The following SLCO1A2 variants were observed in gnomAD, a reference collection of about 807,000 sequenced individuals.
The protein encoded by SLCO1A2 is solute carrier organic anion transporter family member 1A2, also known as OATP-1.
A neutral mutation model predicts 69.0 loss-of-function variants in SLCO1A2; 67 were observed. The observed-to-expected ratio is 0.97, with a 90% CI of 0.80 to 1.19. SLCO1A2 has a LOEUF of 1.19. Among genes scored for constraint, SLCO1A2 ranks in the 50% most tolerant of loss-of-function variants. The pLI, the probability that SLCO1A2 is intolerant of heterozygous loss-of-function variation, is 0.00. For missense variants in SLCO1A2, 787 were observed against 793.7 expected, an observed-to-expected ratio of 0.99 and a Z score of 0.10; for synonymous variants, 260 against 265.9, an observed-to-expected ratio of 0.98 and a Z score of 0.22.
chr12:21,352,430 T>C (rs995828429), intron 2 of SLCO1A2, among the ~76,000 whole-genome samples: 2 of 152,226 alleles, frequency 1.3e-5, no homozygotes, highest in Non-Finnish European at 2.9e-5. Flanking sequence ...CTTCACCTGA[T>C]TTCAATAAGA....
chr12:21,377,597 C>T (rs1302168323), intron 1 of SLCO1A2, among the ~76,000 whole-genome samples: 1 of 152,096 alleles, frequency 6.6e-6, no homozygotes, highest in Admixed American at 6.6e-5. Context: ...AACCACCATT[C>T]CACTCTTTAA....
At chr12:21,289,184 CTGTGTGTGTGTGTGTGTGTG>C (rs10636619) in intron 12 of SLCO1A2, among the ~76,000 whole-genome samples, 3 of 136,916 alleles carry the variant, frequency 2.2e-5, no homozygotes, top group Non-Finnish European at 4.7e-5. Flanking sequence ...TGGTACCATT[CTGTGTGTGTGTGTGTGTGTG>C]TGTGTGTGTG....
intron 2 of SLCO1A2, among the ~76,000 whole-genome samples, chr12:21,353,481 A>G (rs778270709): frequency 2.6e-4 from 40 of 151,886 alleles, no homozygotes; most frequent in Non-Finnish European, 4.7e-4. Context: ...AGAAAAAAAA[A>G]AAAGAAAGAA....
At chr12:21,336,392 T>C (rs1389658211), upstream of SLCO1A2, among the ~76,000 whole-genome samples, 1 of 150,634 alleles carries the variant, frequency 6.6e-6, no homozygotes, top group Non-Finnish European at 1.5e-5. Context: ...TGACACTAAG[T>C]AACCATCTAG....
intron 1 of SLCO1A2, among the ~76,000 whole-genome samples, chr12:21,417,388 TA>T (rs1942004992): frequency 6.7e-6 from 1 of 150,360 alleles, no homozygotes; most frequent in Non-Finnish European, 1.5e-5. Flanking sequence ...TTAAGAAAGC[TA>T]TTTTTTTAAG....
intron 14 of SLCO1A2, among the ~76,000 whole-genome samples, chr12:21,271,532 A>G (rs1238338894): frequency 4.0e-5 from 6 of 150,662 alleles, no homozygotes; most frequent in Non-Finnish European, 8.9e-5. Flanking sequence ...TACATATTTC[A>G]TTGTTCTTTT....
chr12:21,358,763 A>G (rs1361082361), intron 2 of SLCO1A2, among the ~76,000 whole-genome samples: 2 of 152,160 alleles, frequency 1.3e-5, no homozygotes, highest in African/African-American at 4.8e-5. Context: ...ATACTTTTAA[A>G]ATATAAAGAT....
intron 2 of SLCO1A2, among the ~76,000 whole-genome samples, chr12:21,340,434 A>G (rs1409286441): frequency 6.6e-6 from 1 of 152,108 alleles, no homozygotes; most frequent in African/African-American, 2.4e-5. Flanking sequence ...GCATATAAAA[A>G]TGAATAGTAA....
In SLCO1A2 at chr12:21,364,131, C is replaced by T. The variant is rs936516460; in HGVS notation, c.-63+10268G>A. On this transcript the variant is annotated intron_variant, in intron 2 of 15. Transcript: ENST00000307378. ...TTAGACCAATATCCCTGATGAACAT[C>T]GATGCAAAAATCCTCAATAAAATAC... Among the ~76,000 whole-genome samples, 7 of 152,176 alleles carry T rather than the reference C, an allele frequency of 4.6e-5. No individual in the cohort carries two copies. The East Asian group carries it at 9.7e-4, about 21-fold the overall frequency.
intron 1 of SLCO1A2, among the ~76,000 whole-genome samples, chr12:21,382,195 G>T (rs980749868): frequency 3.3e-5 from 5 of 152,214 alleles, no homozygotes; most frequent in African/African-American, 1.2e-4. Context: ...GATGGAGCTG[G>T]AGACCATTAT....
At chr12:21,344,652 T>C (rs1034328248) in intron 2 of SLCO1A2, among the ~76,000 whole-genome samples, 1 of 152,042 alleles carries the variant, frequency 6.6e-6, no homozygotes, top group South Asian at 2.1e-4. Context: ...GAATTTCTTA[T>C]CTGAATGAAT....
intron 1 of SLCO1A2, among the ~76,000 whole-genome samples, chr12:21,391,511 T>C (rs1368809515): frequency 6.6e-6 from 1 of 152,064 alleles, no homozygotes; most frequent in African/African-American, 2.4e-5. Context: ...TATTGAAAAA[T>C]ACTCAAAAGT....
intron 2 of SLCO1A2, among the ~76,000 whole-genome samples, chr12:21,328,172 A>G (rs1020127953): frequency 1.3e-5 from 2 of 152,102 alleles, no homozygotes; most frequent in Admixed American, 1.3e-4. Context: ...CTCCCCAACC[A>G]TGTGGAACTG....
intron 1 of SLCO1A2, among the ~76,000 whole-genome samples, chr12:21,375,834 T>C (rs1018547906): frequency 1.5e-4 from 23 of 152,238 alleles, no homozygotes; most frequent in Admixed American, 6.5e-4. Flanking sequence ...CATGTGTGTA[T>C]GTGCCTGTAA....
rs894120766 is a variant in SLCO1A2 at position 21,307,000 on chromosome 12, C to T, written c.336-12G>A. The T allele has an allele frequency of 1.0e-5, 16 of 1,563,522 alleles. No individual in the cohort carries two copies. Among genetic ancestry groups the T allele is most frequent in the Non-Finnish European group, 1.3e-5 (15 of 1,134,530 alleles). ...ATTCATATTCATATCTGTATAAACA[C>T]AGGGAAAATGAGTTTATTTTAAGAA... is the stretch of plus-strand genomic sequence containing the variant. On this transcript the variant is annotated splice_polypyrimidine_tract_variant and intron_variant, in intron 4 of 14. Transcript: ENST00000683939.
chr12:21,314,660 A>T lies in SLCO1A2; in HGVS notation c.224T>A (p.Phe75Tyr), dbSNP rs1950647905. 6.2e-7 allele frequency: 1 copy of T among 1,605,300 alleles called. No individual in the cohort carries two copies. Among genetic ancestry groups the T allele is most frequent in the Non-Finnish European group, 8.5e-7 (1 of 1,172,286 alleles). Residue 75 changes from phenylalanine (F) to tyrosine (Y), a missense_variant, in exon 4 of 15, where the codon TTT becomes TAT. Coordinates refer to ENST00000683939, the MANE Select transcript of SLCO1A2 (RefSeq NM_001386879.1). ...CAGTTTGGTTCCAAAATAACTCACA[A>T]ATATAATCAACAAAAGATTTCCTAG... Reference protein sequence around the residue: ...FEIGNLLLIIFVSYFGTKLHR... With the variant: ...FEIGNLLLIIYVSYFGTKLHR...
chr12:21,324,687 G>T (rs773107193), intron 2 of SLCO1A2: 1 of 152,092 alleles, frequency 6.6e-6, no homozygotes, highest in Non-Finnish European at 1.5e-5. Flanking sequence ...TAATTTAAAA[G>T]AAAAAGATTC....
intron 12 of SLCO1A2, among the ~76,000 whole-genome samples, chr12:21,285,228 C>T (rs1167262292): frequency 6.6e-6 from 1 of 151,996 alleles, no homozygotes; most frequent in Non-Finnish European, 1.5e-5. Flanking sequence ...ACTACAAACA[C>T]CTCTACACAA....
At position 21,277,645 on chromosome 12, in the gene SLCO1A2, G is replaced by A. The variant is rs377419082; in HGVS notation, c.1611-2221C>T. On this transcript the variant is annotated intron_variant, in intron 12 of 14. Coordinates refer to ENST00000683939, the MANE Select transcript of SLCO1A2 (RefSeq NM_001386879.1). ...GGAACACAATTTTTCCACTGACCAG[G>A]CAGGAGTTGGGGATGATTTTGGATG... Among the ~76,000 whole-genome samples, 222 of 152,216 alleles carry A rather than the reference G, an allele frequency of 1.5e-3. 7 individuals carry two copies. The South Asian group carries it at 0.045, about 31-fold the overall frequency.
Sources: allele counts gnomAD v4.1 joint callset (sites outside exome capture counted in the v4.1 genomes callset), GRCh38; gene constraint gnomAD v4.1.1; transcripts MANE v1.5; gene names NCBI Gene and HGNC (gene_info 2026-07-23, HGNC 2026-07-21).